MGAM: variants seen among roughly 807,000 people sequenced by gnomAD.
MGAM encodes the protein maltase-glucoamylase.
Under a neutral mutation model 358.8 loss-of-function variants are expected in MGAM, and 253 were observed. The observed-to-expected ratio is 0.71, with a 90% CI of 0.64 to 0.78. MGAM has a LOEUF of 0.78. Among genes scored for constraint, MGAM ranks in the 30% least tolerant of loss-of-function variants. The pLI is 0.00. For missense variants in MGAM, 3,080 were observed against 3,432.6 expected, an observed-to-expected ratio of 0.90 and a Z score of 2.57; for synonymous variants, 1,105 against 1,227.1, an observed-to-expected ratio of 0.90 and a Z score of 2.08.
At chr7:142,100,943 A>T in intron 68 of MGAM, 53 bp downstream of exon 68, 1 of 1,501,436 alleles carries the variant, frequency 6.7e-7, no homozygotes, top group Non-Finnish European at 9.2e-7. Context: ...ACATTCCTGG[A>T]TTATCTTACA....
chr7:142,063,152 C>A (rs539268982), intron 35 of MGAM, among the ~76,000 whole-genome samples: 2 of 151,950 alleles, frequency 1.3e-5, no homozygotes, highest in Non-Finnish European at 2.9e-5. Flanking sequence ...GAGCCAGGAT[C>A]GCACCATTGC....
chr7:142,048,919 G>A (rs755431947), intron 22 of MGAM, among the ~76,000 whole-genome samples: 1 of 152,112 alleles, frequency 6.6e-6, no homozygotes, highest in Non-Finnish European at 1.5e-5. Context: ...GCTATTTTAA[G>A]GAACAGATCC....
chr7:142,040,876 ATT>A, intron 21 of MGAM, 30 bp downstream of exon 21: 6 of 1,578,866 alleles, frequency 3.8e-6, no homozygotes, highest in Non-Finnish European at 5.1e-6. Flanking sequence ...TCCTTTCAGA[ATT>A]CATGTCCTTG....
At chr7:141,999,811 G>A (rs1398842503) in intron 1 of MGAM, among the ~76,000 whole-genome samples, 6 of 151,952 alleles carry the variant, frequency 3.9e-5, no homozygotes, top group Non-Finnish European at 8.8e-5. Flanking sequence ...CCTGATCTTA[G>A]TTTTTCTTCA....
At chr7:142,064,209 C>G (rs1476523069) in intron 36 of MGAM, among the ~76,000 whole-genome samples, 175 bp from the exon 37 acceptor site, 2 of 152,172 alleles carry the variant, frequency 1.3e-5, no homozygotes, top group Admixed American at 6.5e-5. Flanking sequence ...GGAAACACAG[C>G]AGGCGCCAAT....
intron 55 of MGAM, 99 bp downstream of exon 55, chr7:142,086,060 T>C: frequency 6.7e-7 from 1 of 1,493,418 alleles, no homozygotes; most frequent in South Asian, 1.2e-5. Context: ...AGTAGATAAA[T>C]TGAAGTGTAG....
At chr7:142,069,555 T>C (rs544333336) in intron 43 of MGAM, among the ~76,000 whole-genome samples, 3 of 146,032 alleles carry the variant, frequency 2.1e-5, no homozygotes, top group African/African-American at 7.3e-5. Context: ...GAGCATGTGC[T>C]GGCCCCTTTC....
intron 1 of MGAM, among the ~76,000 whole-genome samples, chr7:142,003,618 A>C (rs1554451411): frequency 6.6e-6 from 1 of 152,116 alleles, no homozygotes; most frequent in Non-Finnish European, 1.5e-5. Flanking sequence ...TCTAGGAAAC[A>C]CTCTCTGGAC....
intron 4 of MGAM, among the ~76,000 whole-genome samples, chr7:142,020,221 G>T (rs75443203): frequency 2.0e-5 from 3 of 152,276 alleles, no homozygotes; most frequent in African/African-American, 7.2e-5. Context: ...TTGCAATGAG[G>T]TCTCAACTCT....
Position 142,050,701 on chromosome 7 carries a change from G to A in MGAM, c.2642G>A (p.Arg881His), listed in dbSNP as rs749949340. 4.3e-5 allele frequency: 69 copies of A among 1,612,872 alleles called. No individual in the cohort carries two copies. Among genetic ancestry groups the A allele is most frequent in the Middle Eastern group, 1.6e-4 (1 of 6,084 alleles). ...TTGGACTTAATTGTTTTGCAGAACC[G>A]CTTGGAGGTGAATATTTCACAATCA... The part of the protein sequence containing the change: ...LLCEFSVTQN[R>H]LEVNISQSTY... Residue 881 changes from arginine (R) to histidine (H), a missense_variant, in exon 24 of 71, where the codon CGC (arginine) becomes CAC (histidine). Arg to His is a conservative substitution (Grantham distance 29). Coordinates refer to ENST00000475668, the MANE Select transcript of MGAM (RefSeq NM_001365693.1).
At chr7:142,061,204 A>G (rs1812163283) in intron 34 of MGAM, among the ~76,000 whole-genome samples, 1 of 152,078 alleles carries the variant, frequency 6.6e-6, no homozygotes. Context: ...GGAAGTTCCT[A>G]CCTCACGGCT....
rs2129046486 is a variant in MGAM, at chr7:142,068,722, TTATA to T, written c.5061+22_5061+25del. 1.4e-6 allele frequency: 2 copies of T among 1,474,942 alleles called. 1 individual carries two copies. Among genetic ancestry groups the T allele is most frequent in the Non-Finnish European group, 1.9e-6 (2 of 1,062,534 alleles). The allele number at this position is 1,474,942 out of a possible 1,614,324, so 91.4% of individuals were successfully genotyped here. Reference sequence around the variant, plus strand: ...CTACACGGTAAGTTTTTCTGAATGTTTATATAACACGGGAATGTGGTAGAGAGTA... The same window carrying T: ...CTACACGGTAAGTTTTTCTGAATGTTTAACACGGGAATGTGGTAGAGAGTA... On this transcript the variant is annotated intron_variant, in intron 43 of 70. Transcript: ENST00000475668.
rs532504225 is a variant in MGAM, at chr7:142,078,683, T to C, written c.5647-125T>C. On this transcript the variant is annotated intron_variant, in intron 48 of 70. Coordinates refer to ENST00000475668, the MANE Select transcript of MGAM (RefSeq NM_001365693.1). ...AGACCAGGAAATTAAATTTATGTTA[T>C]TGCCAAGTGATAAGTGATAGGCTGG... 3.2e-4 allele frequency: 360 copies of C among 1,141,618 alleles called. 22 individuals carry two copies. In the South Asian group the frequency reaches 5.1e-3, roughly 16 times the overall value. 70.7% of individuals were successfully genotyped at this position (1,141,618 alleles called of 1,614,324 possible). A position where few individuals can be genotyped will look rare whatever the true frequency, so the allele number is the denominator to read the frequency against.
chr7:142,017,062 C>T (rs1333902133), intron 3 of MGAM, among the ~76,000 whole-genome samples: 1 of 152,122 alleles, frequency 6.6e-6, no homozygotes, highest in Non-Finnish European at 1.5e-5. Flanking sequence ...CACATTCTTT[C>T]TAAGGTCTCA....
Position 142,093,970 on chromosome 7 carries a change from T to C in MGAM, c.7173-394T>C, listed in dbSNP as rs1204506470. On this transcript the variant is annotated intron_variant, in intron 60 of 70. Transcript: ENST00000475668. ...ACCATTCTTGGTGGAGGCTAATTGG[T>C]ATTCCACTGAATTAGCACAGTCCTG... Among the ~76,000 whole-genome samples, 8 of 146,156 alleles carry C rather than the reference T, an allele frequency of 5.5e-5. 1 individual carries two copies. The highest frequency in any genetic ancestry group is 1.1e-4 in the Non-Finnish European group (7 of 64,500).
intron 7 of MGAM, among the ~76,000 whole-genome samples, chr7:142,024,635 G>A (rs927106044): frequency 2.0e-5 from 3 of 152,100 alleles, no homozygotes; most frequent in Non-Finnish European, 4.4e-5. Context: ...TCCTGTTCTG[G>A]AGTCTCAAAG....
intron 66 of MGAM, 142 bp downstream of exon 66, chr7:142,097,791 C>T: frequency 1.2e-6 from 1 of 819,564 alleles, no homozygotes; most frequent in South Asian, 1.7e-5. Flanking sequence ...ACCCTTGTAA[C>T]CTCGGTTTTC....
rs1222073284 is a variant in MGAM, at chr7:142,086,204, T to C, written c.6637-14T>C. 2.0e-6 allele frequency: 3 copies of C among 1,519,932 alleles called. No individual in the cohort carries two copies. The East Asian group carries it at 7.0e-5, about 35-fold the overall frequency. 94.2% of individuals were successfully genotyped at this position (1,519,932 alleles called of 1,614,324 possible). ...GCTTTGATTTTTCCCAACTGACTTATGCTTTGATTTCAGGATCCAGCCATT... is the reference window on the plus strand; with the variant it reads ...GCTTTGATTTTTCCCAACTGACTTACGCTTTGATTTCAGGATCCAGCCATT... On this transcript the variant is annotated splice_polypyrimidine_tract_variant and intron_variant, in intron 55 of 70. Transcript: ENST00000475668.
chr7:142,036,858 G>C lies in MGAM; in HGVS notation c.2112G>C (p.Leu704=). Residue 704 remains leucine, a synonymous_variant, in exon 18 of 71, where the codon CTG becomes CTC. Transcript: ENST00000475668. ...CTGCCTCCTTTGGAGCTGACTCCCT[G>C]CTGTTGAATTCCTCCAGGCACTACC... ...QDPASFGADS[L]LLNSSRHYLN... is the part of the protein sequence containing the mutation. The C allele has an allele frequency of 6.2e-7, 1 of 1,613,540 alleles. No homozygotes were observed. Among genetic ancestry groups the C allele is most frequent in the East Asian group, 2.2e-5 (1 of 44,856 alleles).
Sources: gnomAD v4.1 joint callset for allele counts (sites outside exome capture counted in the v4.1 genomes callset) on GRCh38, gnomAD v4.1.1 for gene constraint, MANE v1.5 for transcripts, NCBI Gene and HGNC (gene_info 2026-07-23, HGNC 2026-07-21) for gene names.